MARCHF9: variants seen among roughly 807,000 people sequenced by gnomAD.
MARCHF9 encodes membrane associated ring-CH-type finger 9.
Under a neutral mutation model 35.2 loss-of-function variants are expected in MARCHF9, and 17 were observed. The ratio of observed to expected loss-of-function variants is 0.48; its 90% CI spans 0.33 to 0.72. MARCHF9 has a LOEUF of 0.72. Ranked by LOEUF, MARCHF9 falls within the 30% of genes least tolerant of loss-of-function variation. MARCHF9 has a pLI of 0.02. For missense variants in MARCHF9, 386 were observed against 478.2 expected, an observed-to-expected ratio of 0.81 and a Z score of 1.80; for synonymous variants, 183 against 207.4, an observed-to-expected ratio of 0.88 and a Z score of 1.01.
chr12:57,755,926 G>A, intron 1 of MARCHF9, 41 bp downstream of exon 1: 2 of 1,375,794 alleles, frequency 1.5e-6, no homozygotes, highest in Non-Finnish European at 1.9e-6. Context: ...GGGTGGAGGC[G>A]CGCACCTGGG....
Position 57,757,021 on chromosome 12 carries a change from G to A in MARCHF9, c.450G>A (p.Trp150Ter), listed in dbSNP as rs1955291816. 1.3e-6 allele frequency: 2 copies of A among 1,568,980 alleles called. No individual in the cohort carries two copies. Among genetic ancestry groups the A allele is most frequent in the African/African-American group, 1.4e-5 (1 of 73,916 alleles). ...GCTGGATCAGCGAGAGGGGCTCCTG[G>A]AGCTGTGAGCTCTGCTACTTCAAGT... Reference protein sequence around the residue: ...LIRWISERGSWSCELCYFKYQ... With the variant: ...LIRWISERGS The change falls in exon 2 of 4, where the codon TGG (tryptophan) becomes TGA (stop). Residue 150 changes from tryptophan (W) to a stop codon, truncating the protein, a stop_gained. Transcript: ENST00000266643. LOFTEE classifies it high-confidence loss of function.
In MARCHF9 at chr12:57,755,548, G is replaced by T. The variant is rs1377105251; in HGVS notation, c.20G>T (p.Arg7Leu). 4.7e-5 allele frequency: 60 copies of T among 1,279,252 alleles called. No homozygotes were observed. Among genetic ancestry groups the T allele is most frequent in the Non-Finnish European group, 5.5e-5 (55 of 999,586 alleles). The allele number at this position is 1,279,252 out of a possible 1,614,324, so 79.2% of individuals were successfully genotyped here. The change falls in exon 1 of 4, where the codon CGC (arginine) becomes CTC (leucine). Residue 7 changes from arginine (R) to leucine (L), a missense_variant. By Grantham distance (102) the Arg-to-Leu change is moderately radical (BLOSUM62 -2). Around this residue, in one of 3 missense-constraint regions of MARCHF9, gnomAD observed 56 missense variants for 49.6 expected, o/e 1.13. Coordinates refer to ENST00000266643, the MANE Select transcript of MARCHF9 (RefSeq NM_138396.6). ...CGGACGATGCTCAAGTCTCGGCTCC[G>T]CATGTTTCTGAACGAGCTGAAGCTG... MLKSRL[R>L]MFLNELKLLV...
In MARCHF9 at chr12:57,758,207, T is replaced by C; in HGVS notation, c.613T>C (p.Ser205Pro). The change falls in exon 3 of 4, where the codon TCC (serine) becomes CCC (proline). Residue 205 changes from serine to proline, a missense_variant. Around this residue, in one of 3 missense-constraint regions of MARCHF9, gnomAD observed 219 missense variants for 316.2 expected, o/e 0.69. Transcript: ENST00000266643. This position sits in a 1 kb window ranked among gnomAD's most constrained non-coding sequence, Gnocchi z 5.4. ...LVASISWLIW[S>P]SLSPSAKWQR... ...TGCCAGCATCTCCTGGCTCATCTGG[T>C]CCTCACTCAGCCCTTCAGCCAAGTG... The C allele has an allele frequency of 6.2e-7, 1 of 1,614,228 alleles. No homozygotes were observed. The highest frequency in any genetic ancestry group is 8.5e-7 in the Non-Finnish European group (1 of 1,180,038).
chr12:57,758,821 G>C lies in MARCHF9; in HGVS notation c.965G>C (p.Gly322Ala). 6.2e-7 allele frequency: 1 copy of C among 1,611,488 alleles called. No individual in the cohort carries two copies. Among genetic ancestry groups the C allele is most frequent in the South Asian group, 1.1e-5 (1 of 91,002 alleles). The change falls in exon 4 of 4, where the codon GGG (glycine) becomes GCG (alanine). Residue 322 changes from glycine to alanine, a missense_variant. Gly to Ala is a moderately conservative substitution (Grantham distance 60). Around this residue, in one of 3 missense-constraint regions of MARCHF9, gnomAD observed 111 missense variants for 112.4 expected, o/e 0.99. Coordinates refer to ENST00000266643, the MANE Select transcript of MARCHF9 (RefSeq NM_138396.6). This position sits in a 1 kb window ranked among gnomAD's most constrained non-coding sequence, Gnocchi z 5.4. ...RCGYTILHLLGQLRPPDARSS... is the reference protein window; with the variant it reads ...RCGYTILHLLAQLRPPDARSS... ...GGTTATACAATCTTGCACCTCCTTG[G>C]GCAGCTGCGGCCACCAGATGCCCGT...
Position 57,759,172 on chromosome 12 carries a change from A to G in MARCHF9, c.*275A>G, listed in dbSNP as rs1955305292. On this transcript the variant is annotated 3_prime_UTR_variant, in exon 4 of 4. Coordinates refer to ENST00000266643, the MANE Select transcript of MARCHF9 (RefSeq NM_138396.6). ...GGAGAGCAGCTTTCCTTCCCTGGAG[A>G]GAACCGTCTTTACCTCAGCTCCTAG... 2.4e-6 allele frequency: 1 copy of G among 409,718 alleles called. No homozygotes were observed. The highest frequency in any genetic ancestry group is 4.8e-5 in the South Asian group (1 of 20,882). The allele number at this position is 409,718 out of a possible 1,614,324, so 25.4% of individuals were successfully genotyped here.
Position 57,758,901 on chromosome 12 carries a change from G to C in MARCHF9, c.*4G>C, listed in dbSNP as rs1362502252. The C allele has an allele frequency of 6.4e-7, 1 of 1,571,904 alleles. No individual in the cohort carries two copies. The highest frequency in any genetic ancestry group is 1.2e-5 in the South Asian group (1 of 86,778). On this transcript the variant is annotated 3_prime_UTR_variant, in exon 4 of 4. Coordinates refer to ENST00000266643, the MANE Select transcript of MARCHF9 (RefSeq NM_138396.6). The surrounding 1 kb of genome is among the most constrained non-coding windows in gnomAD (Gnocchi z 5.4). ...CATGAGGGTCACTACAGTCTGAACT[G>C]GACTCCAGGAGCAGGGATCTTGAGT...
intron 1 of MARCHF9, 121 bp from the exon 2 acceptor site, chr12:57,756,808 A>C: frequency 4.5e-5 from 46 of 1,018,530 alleles, no homozygotes; most frequent in Non-Finnish European, 5.4e-5. Flanking sequence ...TCTTGGGTGA[A>C]AGGCCTGAGT....
rs1415296895 is a variant in MARCHF9 at position 57,760,276 on chromosome 12, G to A, written c.*1379G>A. On this transcript the variant is annotated 3_prime_UTR_variant, in exon 4 of 4. Transcript: ENST00000266643. Reference sequence around the variant, plus strand: ...ATAGAGAAAAGATTTGGGAAGGACTGTTTACAATGTGGGTCAGCCTGAAGC... The same window carrying A: ...ATAGAGAAAAGATTTGGGAAGGACTATTTACAATGTGGGTCAGCCTGAAGC... 1.3e-5 allele frequency: 2 copies of A among 152,220 alleles called. No individual in the cohort carries two copies. The highest frequency in any genetic ancestry group is 4.8e-5 in the African/African-American group (2 of 41,434). 9.4% of individuals were successfully genotyped at this position (152,220 alleles called of 1,614,324 possible). A position where few individuals can be genotyped will look rare whatever the true frequency, so the allele number is the denominator to read the frequency against.
rs1955303683 is a variant in MARCHF9, at chr12:57,758,917, G to C, written c.*20G>C. ...GTCTGAACTGGACTCCAGGAGCAGG[G>C]ATCTTGAGTCAATGCATCAGTCAGA... On this transcript the variant is annotated 3_prime_UTR_variant, in exon 4 of 4. Transcript: ENST00000266643. The surrounding 1 kb of genome is among the most constrained non-coding windows in gnomAD (Gnocchi z 5.4). The C allele has an allele frequency of 1.3e-6, 2 of 1,549,972 alleles. No individual in the cohort carries two copies. Among genetic ancestry groups the C allele is most frequent in the Non-Finnish European group, 1.7e-6 (2 of 1,143,636 alleles).
chr12:57,758,420 CT>C lies in MARCHF9; in HGVS notation c.706+121del, dbSNP rs1466192300. ...TGCCACTGTAGCCTTTAGTGCTATC[CT>C]GGTGCCCCCTCAACCCACTTCCCTG... is the stretch of plus-strand genomic sequence containing the variant. On this transcript the variant is annotated intron_variant, in intron 3 of 3. Transcript: ENST00000266643. The surrounding 1 kb of genome is among the most constrained non-coding windows in gnomAD (Gnocchi z 5.4). 118 of 1,341,226 alleles carry C rather than the reference CT, an allele frequency of 8.8e-5. No individual in the cohort carries two copies. In the East Asian group the frequency reaches 2.7e-3, roughly 30 times the overall value. 83.1% of individuals were successfully genotyped at this position (1,341,226 alleles called of 1,614,324 possible). A position where few individuals can be genotyped will look rare whatever the true frequency, so the allele number is the denominator to read the frequency against.
In MARCHF9 at chr12:57,758,297, A is replaced by T. The variant is rs1167771633; in HGVS notation, c.703A>T (p.Ile235Leu). 1 of 1,607,376 alleles carries T rather than the reference A, an allele frequency of 6.2e-7. No homozygotes were observed. Among genetic ancestry groups the T allele is most frequent in the Non-Finnish European group, 8.5e-7 (1 of 1,174,548 alleles). Residue 235 changes from isoleucine (I) to leucine (L), a missense_variant, in exon 3 of 4, where the codon ATA becomes TTA. Physicochemically the swap from Ile to Leu is conservative, Grantham distance 5. This residue lies in a region of MARCHF9 where 219 missense variants were observed against 316.2 expected (regional missense o/e 0.69). Coordinates refer to ENST00000266643, the MANE Select transcript of MARCHF9 (RefSeq NM_138396.6). The surrounding 1 kb of genome is among the most constrained non-coding windows in gnomAD (Gnocchi z 5.4). ...GMYGFMDVVC[I>L]GLIIHEGSSV... The stretch of plus-strand genomic sequence containing the variant: ...GTATGGCTTCATGGATGTCGTCTGC[A>T]TAGGTGAGGGCACCTCTCTCTCCTT...
In MARCHF9 at chr12:57,756,991, C is replaced by A; in HGVS notation, c.420C>A (p.Leu140=). Residue 140 remains leucine, a synonymous_variant, in exon 2 of 4, where the codon CTC becomes CTA. Coordinates refer to ENST00000266643, the MANE Select transcript of MARCHF9 (RefSeq NM_138396.6). Reference sequence around the variant, plus strand: ...TGCGCTGCACGCATCAGCCCTGCCTCATCCGCTGGATCAGCGAGAGGGGCT... The same window carrying A: ...TGCGCTGCACGCATCAGCCCTGCCTAATCCGCTGGATCAGCGAGAGGGGCT... ...GSVRCTHQPC[L]IRWISERGSW... The A allele has an allele frequency of 6.2e-7, 1 of 1,600,694 alleles. No homozygotes were observed. Among genetic ancestry groups the A allele is most frequent in the East Asian group, 2.3e-5 (1 of 44,342 alleles).
Position 57,755,588 on chromosome 12 carries a change from CG to C in MARCHF9, c.66del (p.Arg23GlyfsTer101). On this transcript the variant is annotated frameshift_variant, in exon 1 of 4. Coordinates refer to ENST00000266643, the MANE Select transcript of MARCHF9 (RefSeq NM_138396.6). LOFTEE classifies it high-confidence loss of function. ...NELKLLVLTG[G>X]GRPRAEPQPR... ...AGCTGAAGCTGCTGGTGCTGACAGG[CG>C]GGGGGCGGCCCCGGGCCGAGCCGCA... The C allele has an allele frequency of 7.2e-6, 10 of 1,391,538 alleles. No homozygotes were observed. Among genetic ancestry groups the C allele is most frequent in the Admixed American group, 2.9e-5 (1 of 34,652 alleles). The allele number at this position is 1,391,538 out of a possible 1,614,324, so 86.2% of individuals were successfully genotyped here.
In MARCHF9 at chr12:57,758,876, C is replaced by T; in HGVS notation, c.1020C>T (p.Val340=). 1 of 1,601,910 alleles carries T rather than the reference C, an allele frequency of 6.2e-7. No homozygotes were observed. Among genetic ancestry groups the T allele is most frequent in the Non-Finnish European group, 8.5e-7 (1 of 1,172,482 alleles). The part of the protein sequence containing the change: ...RSSSHSGREV[V]MRVTTV Reference sequence around the variant, plus strand: ...GCTCCCATTCTGGCCGAGAGGTTGTCATGAGGGTCACTACAGTCTGAACTG... The same window carrying T: ...GCTCCCATTCTGGCCGAGAGGTTGTTATGAGGGTCACTACAGTCTGAACTG... The change falls in exon 4 of 4, where the codon GTC becomes GTT. Residue 340 remains valine, a synonymous_variant. Transcript: ENST00000266643. This position sits in a 1 kb window ranked among gnomAD's most constrained non-coding sequence, Gnocchi z 5.4.
At chr12:57,757,960 A>G (rs1595114818) in intron 2 of MARCHF9, 148 bp from the exon 3 acceptor site, 1 of 823,142 alleles carries the variant, frequency 1.2e-6, no homozygotes, top group Non-Finnish European at 2.0e-6. Context: ...GCCACATTCT[A>G]GATTTAATCA....
In MARCHF9 at chr12:57,758,683, G is replaced by C; in HGVS notation, c.827G>C (p.Gly276Ala). The C allele has an allele frequency of 6.2e-7, 1 of 1,613,376 alleles. No individual in the cohort carries two copies. The highest frequency in any genetic ancestry group is 8.5e-7 in the Non-Finnish European group (1 of 1,179,674). The change falls in exon 4 of 4, where the codon GGA becomes GCA. Residue 276 changes from glycine (G) to alanine (A), a missense_variant. Physicochemically the swap from Gly to Ala is moderately conservative, Grantham distance 60 (BLOSUM62 0). Around this residue, in one of 3 missense-constraint regions of MARCHF9, gnomAD observed 111 missense variants for 112.4 expected, o/e 0.99. Transcript: ENST00000266643. The surrounding 1 kb of genome is among the most constrained non-coding windows in gnomAD (Gnocchi z 5.4). ...AAGGACATAGGAGGAGATGCAGGGG[G>C]AGGGACGGCAGGGAAGTCAGGCCCC... is the stretch of plus-strand genomic sequence containing the variant. The part of the protein sequence containing the change: ...KTKDIGGDAG[G>A]GTAGKSGPRN...
At position 57,758,494 on chromosome 12, in the gene MARCHF9, CT is replaced by C; in HGVS notation, c.707-67del. The stretch of plus-strand genomic sequence containing the variant: ...TGTATCTTCTCACTCTGAAGAAATG[CT>C]TGCTTAAGTACCTCTGGCCTAGATC... On this transcript the variant is annotated intron_variant, in intron 3 of 3. Transcript: ENST00000266643. This position sits in a 1 kb window ranked among gnomAD's most constrained non-coding sequence, Gnocchi z 5.4. The C allele has an allele frequency of 6.8e-7, 1 of 1,473,190 alleles. No homozygotes were observed. Among genetic ancestry groups the C allele is most frequent in the South Asian group, 1.4e-5 (1 of 73,360 alleles). The allele number at this position is 1,473,190 out of a possible 1,614,324, so 91.3% of individuals were successfully genotyped here. A position where few individuals can be genotyped will look rare whatever the true frequency, so the allele number is the denominator to read the frequency against.
At position 57,759,288 on chromosome 12, in the gene MARCHF9, A is replaced by C; in HGVS notation, c.*391A>C. ...GCTGTAGACCCCTATTCCCCACCCC[A>C]TGGCCACAGGGCATCTGGCAATAAG... On this transcript the variant is annotated 3_prime_UTR_variant, in exon 4 of 4. Coordinates refer to ENST00000266643, the MANE Select transcript of MARCHF9 (RefSeq NM_138396.6). The C allele has an allele frequency of 1.0e-5, 2 of 196,450 alleles. No individual in the cohort carries two copies. Among genetic ancestry groups the C allele is most frequent in the Non-Finnish European group, 1.1e-5 (1 of 94,758 alleles). The allele number at this position is 196,450 out of a possible 1,614,324, so 12.2% of individuals were successfully genotyped here.
chr12:57,758,943 G>A lies in MARCHF9; in HGVS notation c.*46G>A, dbSNP rs769870101. 2.0e-6 allele frequency: 3 copies of A among 1,497,358 alleles called. No individual in the cohort carries two copies. Among genetic ancestry groups the A allele is most frequent in the Non-Finnish European group, 2.7e-6 (3 of 1,112,622 alleles). The allele number at this position is 1,497,358 out of a possible 1,614,324, so 92.8% of individuals were successfully genotyped here. A position where few individuals can be genotyped will look rare whatever the true frequency, so the allele number is the denominator to read the frequency against. ...ATCTTGAGTCAATGCATCAGTCAGA[G>A]AAGAACTCTCATGGCTGCTGGAGGT... On this transcript the variant is annotated 3_prime_UTR_variant, in exon 4 of 4. Coordinates refer to ENST00000266643, the MANE Select transcript of MARCHF9 (RefSeq NM_138396.6). The surrounding 1 kb of genome is among the most constrained non-coding windows in gnomAD (Gnocchi z 5.4).
Sources: gnomAD v4.1 joint callset for allele counts on GRCh38, gnomAD v4.1.1 for gene constraint, gnomAD v4.1.1 regional missense constraint, Gnocchi (gnomAD v3.1) non-coding constraint, MANE v1.5 for transcripts, NCBI Gene and HGNC (gene_info 2026-07-23, HGNC 2026-07-21) for gene names.